Variants in MYO7A observed in about 807,000 individuals in gnomAD.
The protein encoded by MYO7A is unconventional myosin-VIIa.
MYO7A carries 210 observed loss-of-function variants against 263.8 expected under a neutral mutation model. That is an observed-to-expected ratio of 0.80 (90% confidence interval 0.71 to 0.89). The LOEUF is 0.89. MYO7A is among the 40% of genes least tolerant of loss of function. MYO7A has a pLI of 0.00. For missense variants in MYO7A, 2,820 were observed against 2,968.3 expected, an observed-to-expected ratio of 0.95 and a Z score of 1.16; for synonymous variants, 1,239 against 1,197.3, an observed-to-expected ratio of 1.03 and a Z score of -0.72.
In MYO7A at chr11:77,213,945, TGC is replaced by T; in HGVS notation, c.6528_6529del (p.Gly2177GlufsTer15). The T allele has an allele frequency of 6.2e-7, 1 of 1,614,054 alleles. No individual in the cohort carries two copies. Among genetic ancestry groups the T allele is most frequent in the South Asian group, 1.1e-5 (1 of 91,086 alleles). On this transcript the variant is annotated frameshift_variant, in exon 48 of 49. Coordinates refer to ENST00000409709, the MANE Select transcript of MYO7A (RefSeq NM_000260.4). LOFTEE classifies it high-confidence loss of function. ...TTCCACATCACCATTGGGAACTTGGTGCGCGGGAGCAAACTGCTCTGCGAGAC... is the reference window on the plus strand; with the variant it reads ...TTCCACATCACCATTGGGAACTTGGTGCGGGAGCAAACTGCTCTGCGAGAC...
At chr11:77,185,063 G>A (rs541076495) in intron 27 of MYO7A, 2 of 417,394 alleles carry the variant, frequency 4.8e-6, no homozygotes, top group East Asian at 5.3e-5. Context: ...GTATGAAATA[G>A]CATTATGTCT....
At chr11:77,181,281 G>T (rs1430563813) in intron 22 of MYO7A, 99 bp from the exon 23 acceptor site, 21 of 1,098,820 alleles carry the variant, frequency 1.9e-5, no homozygotes, top group Non-Finnish European at 2.7e-5. Flanking sequence ...GGGGACTGAG[G>T]CCCTGGCTGC....
At chr11:77,210,403 G>A (rs956038529) in intron 44 of MYO7A, among the ~76,000 whole-genome samples, 3 of 152,112 alleles carry the variant, frequency 2.0e-5, no homozygotes, top group East Asian at 1.9e-4. Flanking sequence ...TAGGTGAGTG[G>A]GTGGATGGGT....
At chr11:77,167,271 G>A (rs1953640423) in intron 15 of MYO7A, among the ~76,000 whole-genome samples, 1 of 152,180 alleles carries the variant, frequency 6.6e-6, no homozygotes, top group African/African-American at 2.4e-5. Context: ...CGGGGACAGA[G>A]TGGGGACTCG....
intron 27 of MYO7A, 52 bp from the exon 28 acceptor site, chr11:77,189,292 G>C: frequency 6.2e-7 from 1 of 1,606,252 alleles, no homozygotes; most frequent in Non-Finnish European, 8.5e-7. Context: ...GGTGGGGACC[G>C]GGGCTGTTCC....
At chr11:77,203,345 C>T in intron 38 of MYO7A, 128 bp downstream of exon 38, 1 of 1,058,322 alleles carries the variant, frequency 9.4e-7, no homozygotes, top group South Asian at 1.7e-5. Flanking sequence ...GGAGTACCCC[C>T]TCCCTTGCAC....
At chr11:77,186,967 G>A (rs782658038) in intron 27 of MYO7A, among the ~76,000 whole-genome samples, 4 of 152,108 alleles carry the variant, frequency 2.6e-5, no homozygotes, top group Non-Finnish European at 4.4e-5. Flanking sequence ...GCCATTTTAG[G>A]GTTATTAATT....
chr11:77,166,102 GCTGGTCCA>G lies in MYO7A; in HGVS notation c.1740_1747del (p.Val581LeufsTer28), dbSNP rs2135345560. 6.2e-7 allele frequency: 1 copy of G among 1,613,908 alleles called. No individual in the cohort carries two copies. The highest frequency in any genetic ancestry group is 1.6e-4 in the Middle Eastern group (1 of 6,062). On this transcript the variant is annotated frameshift_variant, in exon 15 of 49. Coordinates refer to ENST00000409709, the MANE Select transcript of MYO7A (RefSeq NM_000260.4). LOFTEE classifies it high-confidence loss of function. ...ACACCCTGCATGGGGACATTATCCAGCTGGTCCACTCCTCCAGGAACAAGTTCATCAAG... is the reference window on the plus strand; with the variant it reads ...ACACCCTGCATGGGGACATTATCCAGCTCCTCCAGGAACAAGTTCATCAAG...
At chr11:77,130,290 G>A (rs1950731171) in intron 1 of MYO7A, among the ~76,000 whole-genome samples, 1 of 152,244 alleles carries the variant, frequency 6.6e-6, no homozygotes, top group Admixed American at 6.5e-5. Context: ...CCCTCTCTGG[G>A]CCCCTTTGCC....
intron 14 of MYO7A, among the ~76,000 whole-genome samples, chr11:77,164,874 C>T (rs1359445890): frequency 6.6e-6 from 1 of 152,156 alleles, no homozygotes; most frequent in African/African-American, 2.4e-5. Context: ...AAATGGCTTG[C>T]CTAAGGTTGT....
chr11:77,188,903 C>G lies in MYO7A; in HGVS notation c.3504-441C>G, dbSNP rs150119892. Among the ~76,000 whole-genome samples the G allele has an allele frequency of 2.3e-4, 35 of 152,306 alleles. 1 individual carries two copies. In the East Asian group the frequency reaches 6.4e-3, roughly 28 times the overall value. ...ATGCTTTTCCTGTTTCCGCTTTGTC[C>G]GTTGCCATGGGTAGAAGTTGCACCT... On this transcript the variant is annotated intron_variant, in intron 27 of 48. Coordinates refer to ENST00000409709, the MANE Select transcript of MYO7A (RefSeq NM_000260.4).
At chr11:77,194,959 C>T (rs1956522496) in intron 32 of MYO7A, among the ~76,000 whole-genome samples, 1 of 152,158 alleles carries the variant, frequency 6.6e-6, no homozygotes, top group Admixed American at 6.5e-5. Flanking sequence ...CATGACCAGC[C>T]ATGAGTGGTT....
At position 77,142,774 on chromosome 11, in the gene MYO7A, G is replaced by A. The variant is rs782307156; in HGVS notation, c.84G>A (p.Val28=). 2 of 1,611,664 alleles carry A rather than the reference G, an allele frequency of 1.2e-6. No individual in the cohort carries two copies. The highest frequency in any genetic ancestry group is 2.2e-5 in the South Asian group (2 of 90,090). The change falls in exon 3 of 49, where the codon GTG becomes GTA. Residue 28 remains valine (V), a synonymous_variant. Coordinates refer to ENST00000409709, the MANE Select transcript of MYO7A (RefSeq NM_000260.4). Reference sequence around the variant, plus strand: ...TCGACGTGCCCATCGGGGCGGTGGTGAAGCTCTGCGACTCTGGGCAGGTCC... The same window carrying A: ...TCGACGTGCCCATCGGGGCGGTGGTAAAGCTCTGCGACTCTGGGCAGGTCC... ...QEFDVPIGAV[V]KLCDSGQVQV... is the part of the protein sequence containing the mutation.
intron 37 of MYO7A, among the ~76,000 whole-genome samples, chr11:77,202,852 G>A (rs998630625): frequency 9.2e-5 from 14 of 151,986 alleles, no homozygotes; most frequent in Non-Finnish European, 1.3e-4. Context: ...TGTTCTCGCC[G>A]CTGGGGTTTC....
chr11:77,189,860 C>T (rs1484988273), intron 28 of MYO7A, among the ~76,000 whole-genome samples, 160 bp from the exon 29 acceptor site: 1 of 152,198 alleles, frequency 6.6e-6, no homozygotes, highest in African/African-American at 2.4e-5. Flanking sequence ...AGGCCACAGA[C>T]GTGGCTGGAA....
chr11:77,173,923 T>A (rs1175009461), intron 16 of MYO7A, among the ~76,000 whole-genome samples: 1 of 152,034 alleles, frequency 6.6e-6, no homozygotes, highest in Non-Finnish European at 1.5e-5. Context: ...CAGTCTTCCC[T>A]GGCTCTGAAG....
intron 38 of MYO7A, among the ~76,000 whole-genome samples, chr11:77,203,752 T>A (rs969034158): frequency 3.3e-5 from 5 of 152,096 alleles, no homozygotes; most frequent in Admixed American, 6.5e-5. Context: ...ATGGGAAGAC[T>A]GGGCTTAGGC....
intron 35 of MYO7A, 109 bp from the exon 36 acceptor site, chr11:77,201,339 G>A: frequency 9.2e-7 from 1 of 1,090,678 alleles, no homozygotes; most frequent in African/African-American, 1.6e-5. Context: ...GGTGGAGGCA[G>A]AGTGGCAAGT....
intron 39 of MYO7A, 97 bp downstream of exon 39, chr11:77,204,326 C>T (rs1169997956): frequency 1.8e-5 from 27 of 1,467,782 alleles, no homozygotes; most frequent in Non-Finnish European, 2.4e-5. Flanking sequence ...TGCCTGGATG[C>T]AGTCCTTCCT....
Sources: gnomAD v4.1 joint callset for allele counts (sites outside exome capture counted in the v4.1 genomes callset) on GRCh38, gnomAD v4.1.1 for gene constraint, MANE v1.5 for transcripts, NCBI Gene and HGNC (gene_info 2026-07-23, HGNC 2026-07-21) for gene names.